Variants in TDRD5 observed in about 807,000 individuals in gnomAD.
The protein encoded by TDRD5 is tudor domain-containing protein 5.
A neutral mutation model predicts 120.6 loss-of-function variants in TDRD5; 41 were observed. The observed-to-expected ratio is 0.34, with a 90% CI of 0.26 to 0.44. The LOEUF is 0.44. Among genes scored for constraint, TDRD5 ranks in the 20% least tolerant of loss-of-function variants. TDRD5 has a pLI of 1.00. For missense variants in TDRD5, 1,006 were observed against 1,221.2 expected, an observed-to-expected ratio of 0.82 and a Z score of 2.63; for synonymous variants, 430 against 433.7, an observed-to-expected ratio of 0.99 and a Z score of 0.11.
chr1:179,690,235 G>C (rs1681061057), intron 17 of TDRD5, among the ~76,000 whole-genome samples: 1 of 152,098 alleles, frequency 6.6e-6, no homozygotes, highest in Non-Finnish European at 1.5e-5. Flanking sequence ...TGGTTTGGGG[G>C]ACTTCTTAGC....
intron 11 of TDRD5, among the ~76,000 whole-genome samples, chr1:179,648,797 T>A (rs900724322): frequency 2.0e-5 from 3 of 150,484 alleles, no homozygotes; most frequent in Non-Finnish European, 4.5e-5. Context: ...ATAAAAAAAA[T>A]AATGTCAATT....
chr1:179,612,424 A>T (rs1460972035), intron 4 of TDRD5, among the ~76,000 whole-genome samples: 1 of 152,164 alleles, frequency 6.6e-6, no homozygotes, highest in East Asian at 1.9e-4. Context: ...GAACATTTTA[A>T]TGGGTGAATA....
chr1:179,675,286 T>A lies in TDRD5; in HGVS notation c.2860+5882T>A, dbSNP rs956865145. 2.9e-4 allele frequency among the ~76,000 whole-genome samples: 24 copies of A among 81,370 alleles called. 1 individual carries two copies. Among genetic ancestry groups the A allele is most frequent in the Admixed American group, 2.2e-3 (16 of 7,336 alleles). The allele number at this position is 81,370 out of a possible 152,430, so 53.4% of individuals were successfully genotyped here. A position where few individuals can be genotyped will look rare whatever the true frequency, so the allele number is the denominator to read the frequency against. The stretch of plus-strand genomic sequence containing the variant: ...ATTATTATTATTATTTTTTTTTTTT[T>A]TTTTTTTTTTTGAGACGGAGTCTCA... On this transcript the variant is annotated intron_variant, in intron 17 of 17. Coordinates refer to ENST00000444136, the MANE Select transcript of TDRD5 (RefSeq NM_001199085.3).
intron 11 of TDRD5, among the ~76,000 whole-genome samples, chr1:179,646,190 A>G (rs1317206878): frequency 6.6e-6 from 1 of 152,218 alleles, no homozygotes; most frequent in African/African-American, 2.4e-5. Flanking sequence ...TAAGAAATAC[A>G]CTATTATTTT....
At position 179,666,532 on chromosome 1, in the gene TDRD5, G is replaced by C. The variant is rs1283518217; in HGVS notation, c.2650-2662G>C. 2.6e-5 allele frequency among the ~76,000 whole-genome samples: 4 copies of C among 152,034 alleles called. No homozygotes were observed. The East Asian group carries it at 5.8e-4, about 22-fold the overall frequency. On this transcript the variant is annotated intron_variant, in intron 16 of 17. Transcript: ENST00000444136. ...CCTTCTTGAAACATAATCTTCCTTT[G>C]GGTTTTGTGATGCCATGATCTTTTT...
rs148935238 is a variant in TDRD5 at position 179,651,423 on chromosome 1, A to G, written c.2001+356A>G. On this transcript the variant is annotated intron_variant, in intron 12 of 17. Transcript: ENST00000444136. Reference sequence around the variant, plus strand: ...GGTTGCAGTGAGCCGAGATGGTGCTACTGCACTCCAGCCTGGGCAACAGGG... The same window carrying G: ...GGTTGCAGTGAGCCGAGATGGTGCTGCTGCACTCCAGCCTGGGCAACAGGG... Among the ~76,000 whole-genome samples the G allele has an allele frequency of 2.2e-3, 336 of 152,224 alleles. 6 individuals carry two copies. Among genetic ancestry groups the G allele is most frequent in the African/African-American group, 7.6e-3 (317 of 41,524 alleles).
In TDRD5 at chr1:179,662,352, G is replaced by A. The variant is rs561457391; in HGVS notation, c.2505+66G>A. 1.4e-4 allele frequency: 214 copies of A among 1,527,726 alleles called. No individual in the cohort carries two copies. The African/African-American group carries it at 1.9e-3, about 14-fold the overall frequency. The allele number at this position is 1,527,726 out of a possible 1,614,324, so 94.6% of individuals were successfully genotyped here. A position where few individuals can be genotyped will look rare whatever the true frequency, so the allele number is the denominator to read the frequency against. On this transcript the variant is annotated intron_variant, in intron 15 of 17. Transcript: ENST00000444136. ...ACTGCGGCTCAAGCCTGTAATCCTAGCAGTTTGGGAGGCCAAGGTGGGTGG... is the reference window on the plus strand; with the variant it reads ...ACTGCGGCTCAAGCCTGTAATCCTAACAGTTTGGGAGGCCAAGGTGGGTGG...
intron 5 of TDRD5, among the ~76,000 whole-genome samples, chr1:179,619,534 G>A (rs771322539): frequency 2.0e-5 from 3 of 151,964 alleles, no homozygotes; most frequent in Admixed American, 6.6e-5. Context: ...TAGGAGAGAT[G>A]CAAAAACCTT....
intron 7 of TDRD5, among the ~76,000 whole-genome samples, 194 bp downstream of exon 7, chr1:179,631,114 G>A (rs961588591): frequency 2.6e-5 from 4 of 152,088 alleles, no homozygotes; most frequent in Admixed American, 6.6e-5. Context: ...TTCTTGGGCC[G>A]GGTGCAGTGG....
At chr1:179,616,566 G>C (rs1398427440) in intron 4 of TDRD5, among the ~76,000 whole-genome samples, 4 of 152,074 alleles carry the variant, frequency 2.6e-5, no homozygotes, top group African/African-American at 9.7e-5. Context: ...CAGTATCTCT[G>C]TTTTTGCTTG....
intron 11 of TDRD5, among the ~76,000 whole-genome samples, chr1:179,645,146 C>T (rs1168157309): frequency 1.6e-5 from 2 of 127,458 alleles, no homozygotes; most frequent in African/African-American, 3.1e-5. Context: ...AGTGCAGTGG[C>T]GGGATCTCGG....
chr1:179,635,122 CT>C (rs1677694634), intron 8 of TDRD5, among the ~76,000 whole-genome samples: 2 of 152,082 alleles, frequency 1.3e-5, no homozygotes, highest in African/African-American at 4.8e-5. Context: ...TCTACCCTTT[CT>C]ACCTGGCTTC....
intron 17 of TDRD5, among the ~76,000 whole-genome samples, chr1:179,678,110 TC>T (rs1287478598): frequency 6.6e-6 from 1 of 151,826 alleles, no homozygotes; most frequent in Non-Finnish European, 1.5e-5. Context: ...TGGTTCCCAG[TC>T]CAGTGGAATT....
chr1:179,665,824 C>T (rs564574818), intron 16 of TDRD5, among the ~76,000 whole-genome samples: 1 of 152,176 alleles, frequency 6.6e-6, no homozygotes, highest in Non-Finnish European at 1.5e-5. Context: ...TATTCCTATT[C>T]TAAAGCAACC....
intron 11 of TDRD5, among the ~76,000 whole-genome samples, chr1:179,640,896 C>G (rs1043247593): frequency 2.6e-5 from 4 of 152,128 alleles, no homozygotes; most frequent in African/African-American, 4.8e-5. Context: ...AATGTGAAGA[C>G]CCACGTTTAG....
At position 179,639,878 on chromosome 1, in the gene TDRD5, C is replaced by T. The variant is rs371452035; in HGVS notation, c.1560C>T (p.Val520=). 4.3e-6 allele frequency: 7 copies of T among 1,614,032 alleles called. No individual in the cohort carries two copies. In the South Asian group the frequency reaches 6.6e-5, roughly 15 times the overall value. The part of the protein sequence containing the change: ...YSNQLVSDRY[V]MPECFIQPGH... The stretch of plus-strand genomic sequence containing the variant: ...ATCAGCTGGTTTCTGATCGATATGT[C>T]ATGCCAGAATGTTTTATTCAGCCGG... Residue 520 remains valine (V), a synonymous_variant, in exon 10 of 18, where the codon GTC becomes GTT. Transcript: ENST00000444136.
At chr1:179,611,739 TGAG>T (rs758397416) in intron 4 of TDRD5, among the ~76,000 whole-genome samples, 1 of 152,194 alleles carries the variant, frequency 6.6e-6, no homozygotes, top group Non-Finnish European at 1.5e-5. Context: ...GGCTCCAAGT[TGAG>T]GAGTGAGAGA....
intron 17 of TDRD5, among the ~76,000 whole-genome samples, chr1:179,689,054 G>A (rs956151993): frequency 6.6e-6 from 1 of 152,280 alleles, no homozygotes; most frequent in Non-Finnish European, 1.5e-5. Context: ...CTCTCAACTC[G>A]TCAAAGTCAT....
chr1:179,613,512 A>C (rs1004768253), intron 4 of TDRD5, among the ~76,000 whole-genome samples: 2 of 152,198 alleles, frequency 1.3e-5, no homozygotes, highest in Non-Finnish European at 2.9e-5. Flanking sequence ...GCTTGTAAAC[A>C]ACAAATATTT....
Sources: gnomAD v4.1 joint callset for allele counts (sites outside exome capture counted in the v4.1 genomes callset) on GRCh38, gnomAD v4.1.1 for gene constraint, MANE v1.5 for transcripts, NCBI Gene and HGNC (gene_info 2026-07-23, HGNC 2026-07-21) for gene names.